Variants in TRPC4AP observed in about 807,000 individuals in gnomAD.
TRPC4AP encodes the protein short transient receptor potential channel 4-associated protein.
A neutral mutation model predicts 99.0 loss-of-function variants in TRPC4AP; 45 were observed. The observed-to-expected ratio is 0.45, with a 90% confidence interval of 0.36 to 0.58. TRPC4AP has a LOEUF of 0.58. Among genes scored for constraint, TRPC4AP ranks in the 20% least tolerant of loss-of-function variants. The pLI, the probability that TRPC4AP is intolerant of heterozygous loss-of-function variation, is 0.00. For missense variants in TRPC4AP, 879 were observed against 985.3 expected (o/e 0.89, Z 1.44); for synonymous variants, 408 against 385.8 (o/e 1.06, Z -0.67).
At chr20:35,050,186 G>A (rs918319698) in intron 5 of TRPC4AP, among the ~76,000 whole-genome samples, 192 bp from the exon 6 acceptor site, 1 of 152,190 alleles carries the variant, frequency 6.6e-6, no homozygotes, top group Non-Finnish European at 1.5e-5. Context: ...AAAGTCTCCT[G>A]ACGTGCAGGC....
chr20:35,034,308 T>C (rs1201062866), intron 8 of TRPC4AP, among the ~76,000 whole-genome samples: 3 of 152,116 alleles, frequency 2.0e-5, no homozygotes, highest in Admixed American at 1.3e-4. Flanking sequence ...GCAGGGTCAG[T>C]AGCCTCTAGT....
chr20:35,018,626 AGAAAG>A (rs2082812291), intron 9 of TRPC4AP, among the ~76,000 whole-genome samples: 1 of 132,408 alleles, frequency 7.6e-6, no homozygotes, highest in African/African-American at 3.1e-5. Flanking sequence ...AAAAAAAAAA[AGAAAG>A]AAAGAAAATA....
chr20:35,087,286 C>T (rs1287141212), intron 1 of TRPC4AP, among the ~76,000 whole-genome samples: 1 of 148,410 alleles, frequency 6.7e-6, no homozygotes, highest in Non-Finnish European at 1.5e-5. Context: ...TTGCAGTGAG[C>T]TGAGATTGCA....
Position 35,060,001 on chromosome 20 carries a change from A to T in TRPC4AP, c.415-2430T>A, listed in dbSNP as rs925095642. 4.0e-5 allele frequency among the ~76,000 whole-genome samples: 6 copies of T among 151,548 alleles called. No individual in the cohort carries two copies. The East Asian group carries it at 5.8e-4, about 15-fold the overall frequency. ...CAAGTAGAGACTGACTTAGTGATTTAAAAAAAAACAAACAAAAACAACAAT... is the reference window on the plus strand; with the variant it reads ...CAAGTAGAGACTGACTTAGTGATTTTAAAAAAAACAAACAAAAACAACAAT... On this transcript the variant is annotated intron_variant, in intron 3 of 18. Coordinates refer to ENST00000252015, the MANE Select transcript of TRPC4AP (RefSeq NM_015638.3).
In TRPC4AP at chr20:35,044,465, G is replaced by A. The variant is rs780318434; in HGVS notation, c.865+40C>T. 2.4e-5 allele frequency: 38 copies of A among 1,569,804 alleles called. 1 individual carries two copies. In the Admixed American group the frequency reaches 6.4e-4, roughly 27 times the overall value. On this transcript the variant is annotated intron_variant, in intron 7 of 18. Transcript: ENST00000252015. ...ACTAGATGATTTAGTAAGGGCCTCA[G>A]AGCTATAATCTCAAAATTCTGAGAA...
At chr20:35,042,383 C>T (rs1432858975) in intron 7 of TRPC4AP, among the ~76,000 whole-genome samples, 1 of 152,168 alleles carries the variant, frequency 6.6e-6, no homozygotes, top group African/African-American at 2.4e-5. Context: ...GAGTGAATGG[C>T]AGGTTCATAT....
At chr20:35,045,161 C>T (rs575956361) in intron 6 of TRPC4AP, among the ~76,000 whole-genome samples, 3 of 152,234 alleles carry the variant, frequency 2.0e-5, no homozygotes, top group South Asian at 4.1e-4. Context: ...TCCCTGCAGA[C>T]GTAAACATTA....
intron 3 of TRPC4AP, among the ~76,000 whole-genome samples, chr20:35,068,309 A>G (rs1416910974): frequency 6.6e-6 from 1 of 152,194 alleles, no homozygotes; most frequent in East Asian, 1.9e-4. Flanking sequence ...GTTCCTGGGG[A>G]TATAAACTGA....
At chr20:35,049,162 A>T (rs1662794460) in intron 6 of TRPC4AP, among the ~76,000 whole-genome samples, 1 of 152,198 alleles carries the variant, frequency 6.6e-6, no homozygotes, top group African/African-American at 2.4e-5. Context: ...CAAAAATGTA[A>T]CACAGTAAGT....
chr20:35,027,072 T>C (rs950731430), intron 8 of TRPC4AP, among the ~76,000 whole-genome samples: 1 of 152,112 alleles, frequency 6.6e-6, no homozygotes, highest in African/African-American at 2.4e-5. Flanking sequence ...GAACCTCCAA[T>C]ACGATGCTGA....
chr20:35,066,461 C>T (rs1055112764), intron 3 of TRPC4AP, among the ~76,000 whole-genome samples: 5 of 152,036 alleles, frequency 3.3e-5, no homozygotes, highest in South Asian at 2.1e-4. Flanking sequence ...CCTGTACAAT[C>T]GCCACATAGA....
rs1245860447 is a variant in TRPC4AP at position 35,010,538 on chromosome 20, C to T, written c.1410-250G>A. Among the ~76,000 whole-genome samples, 17 of 152,040 alleles carry T rather than the reference C, an allele frequency of 1.1e-4. 1 individual carries two copies. Among genetic ancestry groups the T allele is most frequent in the Admixed American group, 5.2e-4 (8 of 15,272 alleles). On this transcript the variant is annotated intron_variant, in intron 11 of 18. Coordinates refer to ENST00000252015, the MANE Select transcript of TRPC4AP (RefSeq NM_015638.3). ...TGCCTGCCACATTCATCGACAAGGC[C>T]CCTTCCCTCAGCAGCTCTGGGCCTT...
At chr20:35,046,135 C>T (rs1039600999) in intron 6 of TRPC4AP, among the ~76,000 whole-genome samples, 5 of 152,048 alleles carry the variant, frequency 3.3e-5, no homozygotes, top group Non-Finnish European at 7.4e-5. Context: ...GAAATAATTC[C>T]AAAACATTAA....
chr20:35,086,391 G>A (rs903131354), intron 1 of TRPC4AP, among the ~76,000 whole-genome samples: 3 of 151,228 alleles, frequency 2.0e-5, no homozygotes, highest in Admixed American at 2.0e-4. Context: ...AAATTTAAGG[G>A]CTTGTGAATA....
At chr20:35,078,204 ATTG>A in intron 1 of TRPC4AP, 30 bp from the exon 2 acceptor site, 1 of 1,605,354 alleles carries the variant, frequency 6.2e-7, no homozygotes, top group Non-Finnish European at 8.5e-7. Flanking sequence ...AGAACATATT[ATTG>A]TATTATTGAT....
chr20:35,069,073 T>A (rs2145990460), intron 3 of TRPC4AP, among the ~76,000 whole-genome samples: 1 of 152,246 alleles, frequency 6.6e-6, no homozygotes, highest in East Asian at 1.9e-4. Context: ...AGATGTACTT[T>A]TCACTTAGTA....
intron 1 of TRPC4AP, among the ~76,000 whole-genome samples, chr20:35,080,264 G>A (rs1409826551): frequency 2.6e-5 from 4 of 151,626 alleles, no homozygotes; most frequent in African/African-American, 7.3e-5. Context: ...ACTTTGGGAG[G>A]CCAAGGTGGA....
intron 5 of TRPC4AP, among the ~76,000 whole-genome samples, chr20:35,052,022 T>C (rs149720663): frequency 2.0e-5 from 3 of 152,090 alleles, no homozygotes; most frequent in Non-Finnish European, 4.4e-5. Context: ...TAAAACAATA[T>C]ATAAAAGGTT....
chr20:35,059,512 T>C (rs1341298612), intron 3 of TRPC4AP, among the ~76,000 whole-genome samples: 1 of 151,876 alleles, frequency 6.6e-6, no homozygotes, highest in South Asian at 2.1e-4. Context: ...TAAAATAAAT[T>C]AGCTGGGCGT....
Sources: gnomAD v4.1 joint callset for allele counts (sites outside exome capture counted in the v4.1 genomes callset) on GRCh38, gnomAD v4.1.1 for gene constraint, MANE v1.5 for transcripts, NCBI Gene and HGNC (gene_info 2026-07-23, HGNC 2026-07-21) for gene names.